Variants in RHBDD2 observed in about 807,000 individuals in gnomAD.
The protein encoded by RHBDD2 is rhomboid domain-containing protein 2.
In RHBDD2, 13 loss-of-function variants were observed where a neutral mutation model predicts 21.7. The ratio of observed to expected loss-of-function variants is 0.60; its 90% CI spans 0.39 to 0.95. RHBDD2 has a LOEUF of 0.95. RHBDD2 is among the 40% of genes least tolerant of loss of function. The pLI is 0.00. For synonymous variants in RHBDD2, 225 were observed against 220.0 expected (o/e 1.02, Z -0.20); for missense variants, 473 against 478.9 (o/e 0.99, Z 0.11).
Position 75,883,736 on chromosome 7 carries a change from C to CG in RHBDD2, c.626dup (p.Val210SerfsTer169). The CG allele has an allele frequency of 6.2e-7, 1 of 1,613,696 alleles. No individual in the cohort carries two copies. Among genetic ancestry groups the CG allele is most frequent in the Non-Finnish European group, 8.5e-7 (1 of 1,179,820 alleles). ...CTGCTATTCCATCGACCTCTCAGAG[C>CG]GAGTGGCACTGAAGCTCGATCAGAC... On this transcript the variant is annotated frameshift_variant, in exon 3 of 4. Transcript: ENST00000006777. LOFTEE classifies it high-confidence loss of function.
chr7:75,886,755 A>G (rs560960249), intron 3 of RHBDD2, among the ~76,000 whole-genome samples: 4 of 151,580 alleles, frequency 2.6e-5, no homozygotes, highest in Non-Finnish European at 4.4e-5. Flanking sequence ...TGGAGCTTGC[A>G]GTGAGCCGAG....
chr7:75,881,216 T>C (rs943800645), intron 1 of RHBDD2: 3 of 593,508 alleles, frequency 5.1e-6, no homozygotes, highest in Non-Finnish European at 8.2e-6. Context: ...TGATGTCTTA[T>C]TACATATAAA....
chr7:75,887,867 TA>T (rs1397517136), intron 3 of RHBDD2, 124 bp from the exon 4 acceptor site: 121 of 823,194 alleles, frequency 1.5e-4, no homozygotes, highest in Non-Finnish European at 2.0e-4. Context: ...ACTTGGTACT[TA>T]GAGCAAGTCA....
chr7:75,887,928 C>A, intron 3 of RHBDD2, 64 bp from the exon 4 acceptor site: 1 of 1,409,652 alleles, frequency 7.1e-7, no homozygotes, highest in Non-Finnish European at 9.9e-7. Context: ...CAACCTCAAG[C>A]ACAAGATGCC....
At position 75,888,341 on chromosome 7, in the gene RHBDD2, A is replaced by G. The variant is rs782156690; in HGVS notation, c.1087A>G (p.Met363Val). ...CTCCAAGGAGTCCTCCAGGGTCCCC[A>G]TGCCCTGAGAGAATTTCTAGGGAAG... Reference protein sequence around the residue: ...AGSKESSRVPMP With the variant: ...AGSKESSRVPVP Residue 363 changes from methionine (M) to valine (V), a missense_variant, in exon 4 of 4, where the codon ATG (methionine) becomes GTG (valine). By Grantham distance (21) the Met-to-Val change is conservative. Coordinates refer to ENST00000006777, the MANE Select transcript of RHBDD2 (RefSeq NM_001040456.3). 1.2e-5 allele frequency: 19 copies of G among 1,608,080 alleles called. No homozygotes were observed. The highest frequency in any genetic ancestry group is 4.4e-5 in the South Asian group (4 of 90,986).
At chr7:75,885,624 C>T (rs1469905579) in intron 3 of RHBDD2, among the ~76,000 whole-genome samples, 2 of 152,130 alleles carry the variant, frequency 1.3e-5, no homozygotes, top group Non-Finnish European at 2.9e-5. Context: ...CTCATGGCTT[C>T]GTAGGCTACA....
intron 3 of RHBDD2, among the ~76,000 whole-genome samples, chr7:75,886,771 G>T (rs549963032): frequency 6.6e-6 from 1 of 150,672 alleles, no homozygotes; most frequent in South Asian, 2.1e-4. Flanking sequence ...CCGAGATCGC[G>T]CCACTGCACT....
chr7:75,883,578 T>G, intron 2 of RHBDD2, 120 bp from the exon 3 acceptor site: 2 of 796,974 alleles, frequency 2.5e-6, no homozygotes, highest in East Asian at 2.6e-5. Context: ...CCAGCCAGAG[T>G]GTGCAGCGTG....
In RHBDD2 at chr7:75,887,412, G is replaced by A. The variant is rs188663648; in HGVS notation, c.738-580G>A. ...GGCTCACTGCAACCTCTGCCTCCCA[G>A]GTTCAAGCGATTCTCCTGCCTCAGC... On this transcript the variant is annotated intron_variant, in intron 3 of 3. Coordinates refer to ENST00000006777, the MANE Select transcript of RHBDD2 (RefSeq NM_001040456.3). 1.1e-3 allele frequency among the ~76,000 whole-genome samples: 162 copies of A among 151,670 alleles called. 1 individual carries two copies. In the East Asian group the frequency reaches 0.025, roughly 24 times the overall value.
Position 75,881,946 on chromosome 7 carries a change from A to C in RHBDD2, c.296A>C (p.His99Pro). 6.2e-7 allele frequency: 1 copy of C among 1,614,192 alleles called. No individual in the cohort carries two copies. Among genetic ancestry groups the C allele is most frequent in the Non-Finnish European group, 8.5e-7 (1 of 1,180,036 alleles). Residue 99 changes from histidine to proline, a missense_variant, in exon 2 of 4, where the codon CAC becomes CCC. Physicochemically the swap from His to Pro is moderately conservative, Grantham distance 77. Transcript: ENST00000006777. The part of the protein sequence containing the change: ...NFERTVGTVR[H>P]CFFTVIFAIF... Reference sequence around the variant, plus strand: ...GAGAGAACCGTGGGCACCGTCCGCCACTGCTTCTTCACCGTGATCTTCGCC... The same window carrying C: ...GAGAGAACCGTGGGCACCGTCCGCCCCTGCTTCTTCACCGTGATCTTCGCC...
At chr7:75,880,645 AT>A (rs1805271284) in intron 1 of RHBDD2, among the ~76,000 whole-genome samples, 1 of 152,102 alleles carries the variant, frequency 6.6e-6, no homozygotes, top group Admixed American at 6.6e-5. Context: ...CAAGTCCAAT[AT>A]TACCATCAGT....
intron 2 of RHBDD2, 116 bp from the exon 3 acceptor site, chr7:75,883,582 C>A: frequency 1.2e-6 from 1 of 843,112 alleles, no homozygotes; most frequent in African/African-American, 1.7e-5. Context: ...CCAGAGTGTG[C>A]AGCGTGCTAA....
At position 75,881,943 on chromosome 7, in the gene RHBDD2, G is replaced by A. The variant is rs782231378; in HGVS notation, c.293G>A (p.Arg98His). 6.6e-5 allele frequency: 107 copies of A among 1,614,086 alleles called. No individual in the cohort carries two copies. The highest frequency in any genetic ancestry group is 8.6e-5 in the Non-Finnish European group (101 of 1,180,054). ...TTCGAGAGAACCGTGGGCACCGTCC[G>A]CCACTGCTTCTTCACCGTGATCTTC... The part of the protein sequence containing the change: ...GNFERTVGTV[R>H]HCFFTVIFAI... The change falls in exon 2 of 4, where the codon CGC (arginine) becomes CAC (histidine). Residue 98 changes from arginine to histidine, a missense_variant. Coordinates refer to ENST00000006777, the MANE Select transcript of RHBDD2 (RefSeq NM_001040456.3).
chr7:75,880,079 G>A (rs1805229751), intron 1 of RHBDD2, among the ~76,000 whole-genome samples: 3 of 152,142 alleles, frequency 2.0e-5, no homozygotes. Flanking sequence ...TAAGATTGAG[G>A]TTTCATGCAG....
intron 2 of RHBDD2, among the ~76,000 whole-genome samples, chr7:75,883,004 T>G (rs1189395194): frequency 6.6e-6 from 1 of 152,048 alleles, no homozygotes; most frequent in African/African-American, 2.4e-5. Context: ...GCAGGTGCCC[T>G]CTATTTGAGA....
In RHBDD2 at chr7:75,883,300, C is replaced by T. The variant is rs140132275; in HGVS notation, c.587-398C>T. Among the ~76,000 whole-genome samples, 14 of 152,154 alleles carry T rather than the reference C, an allele frequency of 9.2e-5. No individual in the cohort carries two copies. The East Asian group carries it at 2.7e-3, about 29-fold the overall frequency. On this transcript the variant is annotated intron_variant, in intron 2 of 3. Transcript: ENST00000006777. ...CTTTGGGAGGCTGAGGCAGGCAGAT[C>T]ACGAGGTCAGGAGTTTAAGACCAGC... is the stretch of plus-strand genomic sequence containing the variant.
chr7:75,887,160 C>G (rs1293131826), intron 3 of RHBDD2, among the ~76,000 whole-genome samples: 3 of 129,592 alleles, frequency 2.3e-5, no homozygotes, highest in Non-Finnish European at 3.2e-5. Flanking sequence ...TTTTTTTACA[C>G]ATGGTCTTGC....
chr7:75,883,105 G>A (rs1232395186), intron 2 of RHBDD2, among the ~76,000 whole-genome samples: 1 of 152,218 alleles, frequency 6.6e-6, no homozygotes, highest in African/African-American at 2.4e-5. Flanking sequence ...CCTGGCTTCT[G>A]ACTGACTGCA....
intron 3 of RHBDD2, among the ~76,000 whole-genome samples, chr7:75,886,027 C>T (rs374198771): frequency 1.4e-4 from 21 of 152,306 alleles, no homozygotes; most frequent in Non-Finnish European, 2.5e-4. Context: ...CCACTATACC[C>T]GGCTAAAGAT....
Sources: gnomAD v4.1 joint callset for allele counts (sites outside exome capture counted in the v4.1 genomes callset) on GRCh38, gnomAD v4.1.1 for gene constraint, MANE v1.5 for transcripts, NCBI Gene and HGNC (gene_info 2026-07-23, HGNC 2026-07-21) for gene names.